DLGAP2: variants seen among roughly 807,000 people sequenced by gnomAD.
DLGAP2 encodes disks large-associated protein 2.
DLGAP2 carries 26 observed loss-of-function variants against 100.3 expected under a neutral mutation model. The ratio of observed to expected loss-of-function variants is 0.26; its 90% CI spans 0.19 to 0.36. The LOEUF (loss-of-function observed/expected upper bound fraction) is 0.36, where lower values mean the gene tolerates loss of function less well. Among genes scored for constraint, DLGAP2 ranks in the 10% least tolerant of loss-of-function variants. DLGAP2 has a pLI of 1.00. For synonymous variants in DLGAP2, 886 were observed against 630.1 expected, an observed-to-expected ratio of 1.41 and a Z score of -6.08; for missense variants, 1,858 against 1,453.2, an observed-to-expected ratio of 1.28 and a Z score of -4.53.
At chr8:1,060,795 C>G (rs545942600) in intron 2 of DLGAP2, among the ~76,000 whole-genome samples, 1 of 152,280 alleles carries the variant, frequency 6.6e-6, no homozygotes, top group Non-Finnish European at 1.5e-5. Context: ...GTTCCACATG[C>G]TGACCTCCCT....
At chr8:1,529,539 C>G (rs951930957) in intron 4 of DLGAP2, among the ~76,000 whole-genome samples, 2 of 152,116 alleles carry the variant, frequency 1.3e-5, no homozygotes, top group Non-Finnish European at 2.9e-5. Context: ...ATAGAAAGCA[C>G]CAAAAATATT....
intron 4 of DLGAP2, among the ~76,000 whole-genome samples, chr8:1,540,470 C>T (rs556315687): frequency 2.0e-5 from 3 of 152,302 alleles, no homozygotes; most frequent in African/African-American, 4.8e-5. Flanking sequence ...ACTTTTAAAA[C>T]TCATACCACA....
intron 6 of DLGAP2, among the ~76,000 whole-genome samples, chr8:1,567,147 G>A (rs997361705): frequency 4.6e-5 from 7 of 152,238 alleles, no homozygotes; most frequent in African/African-American, 1.4e-4. Flanking sequence ...ACCAGGAAGG[G>A]GTTGGGGAGC....
chr8:1,231,479 T>C lies in DLGAP2; in HGVS notation c.74-27372T>C, dbSNP rs139470060. On this transcript the variant is annotated intron_variant, in intron 2 of 14. Transcript: ENST00000637795. ...CTGTTTGACGCAGCAATCCCATTAC[T>C]GGCTATGTATCCAAAAGAAAACAAA... 1.4e-3 allele frequency among the ~76,000 whole-genome samples: 210 copies of C among 152,330 alleles called. 1 individual carries two copies. In the Middle Eastern group the frequency reaches 0.017, roughly 12 times the overall value.
intron 3 of DLGAP2, among the ~76,000 whole-genome samples, chr8:1,303,130 G>A (rs888725446): frequency 1.6e-4 from 25 of 152,302 alleles, no homozygotes; most frequent in Middle Eastern, 3.4e-3. Context: ...GGGCGCGGTG[G>A]CTCACGCCTG....
At chr8:1,557,439 C>T (rs930085868) in intron 5 of DLGAP2, among the ~76,000 whole-genome samples, 3 of 152,020 alleles carry the variant, frequency 2.0e-5, no homozygotes, top group Admixed American at 6.6e-5. Context: ...GGGGTGAGGA[C>T]ACAGGATGGG....
At chr8:1,138,798 C>G (rs1285407804) in intron 2 of DLGAP2, among the ~76,000 whole-genome samples, 1 of 151,940 alleles carries the variant, frequency 6.6e-6, no homozygotes, top group African/African-American at 2.4e-5. Flanking sequence ...ACCTGTGCAG[C>G]TGGTGGGAAA....
intron 3 of DLGAP2, among the ~76,000 whole-genome samples, chr8:1,345,069 C>T (rs549208586): frequency 1.3e-5 from 2 of 152,154 alleles, no homozygotes; most frequent in Non-Finnish European, 2.9e-5. Context: ...TTATCTGGCC[C>T]TTTGCAAAGT....
intron 1 of DLGAP2, among the ~76,000 whole-genome samples, chr8:808,308 G>C (rs926741673): frequency 1.3e-5 from 2 of 152,202 alleles, no homozygotes; most frequent in Non-Finnish European, 2.9e-5. Flanking sequence ...TGTGCACCAC[G>C]CCAGGAGAGT....
chr8:894,122 C>T (rs1798092544), intron 1 of DLGAP2, among the ~76,000 whole-genome samples: 1 of 152,204 alleles, frequency 6.6e-6, no homozygotes, highest in African/African-American at 2.4e-5. Context: ...GTCTCCCTCT[C>T]CCATGGCCAC....
chr8:1,652,695 C>T (rs1356669485), intron 8 of DLGAP2, among the ~76,000 whole-genome samples: 1 of 152,186 alleles, frequency 6.6e-6, no homozygotes, highest in Non-Finnish European at 1.5e-5. Flanking sequence ...AACTTATTTT[C>T]ATTCCTTATG....
rs561417704 is a variant in DLGAP2 at position 1,678,642 on chromosome 8, G to C, written c.2704+13G>C. The C allele has an allele frequency of 1.5e-5, 22 of 1,515,652 alleles. No homozygotes were observed. In the South Asian group the frequency reaches 2.2e-4, roughly 15 times the overall value. The allele number at this position is 1,515,652 out of a possible 1,614,324, so 93.9% of individuals were successfully genotyped here. ...CTCTCGGAGGAAAGTAAGAGCTCAG[G>C]CTTCCCTAGGGCCTCTTAAATATCA... On this transcript the variant is annotated intron_variant, in intron 12 of 14. Transcript: ENST00000637795.
intron 1 of DLGAP2, among the ~76,000 whole-genome samples, chr8:829,693 A>T (rs1796746421): frequency 6.6e-6 from 1 of 152,252 alleles, no homozygotes. Context: ...AAAAGTTGAA[A>T]GGTTCAGAGA....
chr8:1,548,458 G>GAAAAAAAA (rs773138776), intron 4 of DLGAP2, among the ~76,000 whole-genome samples, 168 bp from the exon 5 acceptor site: 1 of 41,572 alleles, frequency 2.4e-5, no homozygotes, highest in African/African-American at 9.1e-5. Flanking sequence ...GACTGTCTCA[G>GAAAAAAAA]AAAAAAAAAA....
At chr8:1,002,081 A>C (rs888486839) in intron 2 of DLGAP2, 2 of 152,214 alleles carry the variant, frequency 1.3e-5, no homozygotes, top group African/African-American at 2.4e-5. Flanking sequence ...CCACCTGCTT[A>C]AATGAACGAT....
intron 2 of DLGAP2, among the ~76,000 whole-genome samples, chr8:956,793 G>A (rs1799607806): frequency 6.6e-6 from 1 of 152,190 alleles, no homozygotes; most frequent in South Asian, 2.1e-4. Flanking sequence ...TGCTTTTCCA[G>A]GTACTTTAGT....
At chr8:1,459,823 T>C (rs1032794606) in intron 3 of DLGAP2, among the ~76,000 whole-genome samples, 3 of 151,516 alleles carry the variant, frequency 2.0e-5, no homozygotes, top group African/African-American at 7.3e-5. Flanking sequence ...GTAGCGGGAA[T>C]TGCAGGTGCG....
At chr8:1,465,008 C>G (rs928371825) in intron 3 of DLGAP2, among the ~76,000 whole-genome samples, 1 of 152,372 alleles carries the variant, frequency 6.6e-6, no homozygotes, top group Non-Finnish European at 1.5e-5. Flanking sequence ...ACTTCGATGA[C>G]CAAATGTTGG....
chr8:1,623,102 G>T (rs965852428), intron 6 of DLGAP2, among the ~76,000 whole-genome samples: 2 of 152,200 alleles, frequency 1.3e-5, no homozygotes, highest in Non-Finnish European at 2.9e-5. Flanking sequence ...GCCAAATGAG[G>T]CTGAGGTTTT....
Sources: allele counts gnomAD v4.1 joint callset (sites outside exome capture counted in the v4.1 genomes callset), GRCh38; gene constraint gnomAD v4.1.1; transcripts MANE v1.5; gene names NCBI Gene and HGNC (gene_info 2026-07-23, HGNC 2026-07-21).